The following INPP4B variants were observed in gnomAD, a reference collection of about 807,000 sequenced individuals.
The protein encoded by INPP4B is inositol polyphosphate-4-phosphatase type II B, also known as inositol polyphosphate 4-phosphatase type II.
A neutral mutation model predicts 122.5 loss-of-function variants in INPP4B; 55 were observed. That is an observed-to-expected ratio of 0.45 (90% CI 0.36 to 0.56). The LOEUF is 0.56. INPP4B is among the 20% of genes least tolerant of loss of function. INPP4B has a pLI of 0.00. For synonymous variants in INPP4B, 403 were observed against 388.7 expected, an observed-to-expected ratio of 1.04 and a Z score of -0.43; for missense variants, 1,000 against 1,097.7, an observed-to-expected ratio of 0.91 and a Z score of 1.26.
At chr4:142,767,234 A>G (rs999350675) in intron 1 of INPP4B, among the ~76,000 whole-genome samples, 10 of 152,114 alleles carry the variant, frequency 6.6e-5, no homozygotes, top group African/African-American at 2.4e-4. Context: ...GGAGGGGAAA[A>G]CACTTTGGAG....
intron 25 of INPP4B, among the ~76,000 whole-genome samples, chr4:142,056,277 A>AAATT (rs1397443854): frequency 5.3e-5 from 8 of 152,076 alleles, no homozygotes; most frequent in Non-Finnish European, 1.2e-4. Flanking sequence ...AAAACAAAAG[A>AAATT]AATTAGTATT....
chr4:142,303,186 G>A (rs1762125386), intron 9 of INPP4B, among the ~76,000 whole-genome samples: 2 of 152,000 alleles, frequency 1.3e-5, no homozygotes, highest in Admixed American at 6.6e-5. Context: ...CATATGACAC[G>A]GAAGCTACAT....
intron 2 of INPP4B, among the ~76,000 whole-genome samples, chr4:142,667,276 T>G (rs1484918899): frequency 6.6e-6 from 1 of 152,202 alleles, no homozygotes; most frequent in Non-Finnish European, 1.5e-5. Context: ...TTCTGCTCTG[T>G]GCTGCAGTTT....
intron 7 of INPP4B, among the ~76,000 whole-genome samples, chr4:142,382,872 G>A (rs1443235936): frequency 2.6e-5 from 4 of 151,228 alleles, no homozygotes; most frequent in South Asian, 2.1e-4. Context: ...TACAGAGTCC[G>A]AGAAAATATT....
chr4:142,736,424 G>T (rs974666891), intron 1 of INPP4B, among the ~76,000 whole-genome samples: 1 of 151,968 alleles, frequency 6.6e-6, no homozygotes, highest in Non-Finnish European at 1.5e-5. Context: ...TAATTTTCAT[G>T]AGTTAATTAT....
chr4:142,607,232 C>A (rs1427034824), intron 2 of INPP4B, among the ~76,000 whole-genome samples: 1 of 151,812 alleles, frequency 6.6e-6, no homozygotes, highest in Non-Finnish European at 1.5e-5. Flanking sequence ...ATTAATCATT[C>A]CCTTTTTGTT....
In INPP4B at chr4:142,168,958, A is replaced by T. The variant is rs1327548329; in HGVS notation, c.1359+4674T>A. 1.1e-4 allele frequency among the ~76,000 whole-genome samples: 16 copies of T among 151,596 alleles called. 1 individual carries two copies. Among genetic ancestry groups the T allele is most frequent in the Non-Finnish European group, 2.4e-4 (16 of 67,722 alleles). On this transcript the variant is annotated intron_variant, in intron 16 of 25. Transcript: ENST00000262992. ...GGAAGAAATCTAGATAGTTATAAGG[A>T]TCACATAATTTGTTACCTATTTTCC... is the stretch of plus-strand genomic sequence containing the variant.
At chr4:142,222,883 G>C (rs1054261152) in intron 12 of INPP4B, among the ~76,000 whole-genome samples, 2 of 152,154 alleles carry the variant, frequency 1.3e-5, no homozygotes, top group African/African-American at 4.8e-5. Context: ...CCAACTTTCA[G>C]CTGAAATGCA....
intron 2 of INPP4B, among the ~76,000 whole-genome samples, chr4:142,629,697 A>T (rs1747494233): frequency 6.6e-6 from 1 of 152,102 alleles, no homozygotes; most frequent in South Asian, 2.1e-4. Context: ...CTGTGACAAG[A>T]ATTAAGGTGT....
chr4:142,408,577 G>A (rs1010181876), intron 5 of INPP4B, among the ~76,000 whole-genome samples: 4 of 152,068 alleles, frequency 2.6e-5, no homozygotes, highest in Non-Finnish European at 5.9e-5. Flanking sequence ...AGTTATATCT[G>A]TCTTCCAGCT....
chr4:142,490,304 G>T (rs988548922), intron 2 of INPP4B, among the ~76,000 whole-genome samples: 1 of 151,954 alleles, frequency 6.6e-6, no homozygotes, highest in Non-Finnish European at 1.5e-5. Context: ...GCTGGGGCTG[G>T]TCTCAAACTC....
Position 142,023,190 on chromosome 4 carries a change from A to T in INPP4B, c.*5592T>A, listed in dbSNP as rs1227993071. 8 of 152,194 alleles carry T rather than the reference A, an allele frequency of 5.3e-5. No homozygotes were observed. The highest frequency in any genetic ancestry group is 1.0e-4 in the Non-Finnish European group (7 of 68,028). The allele number at this position is 152,194 out of a possible 1,614,324, so 9.4% of individuals were successfully genotyped here. ...AATAAAAATCATTTATTTAAACAAA[A>T]ATATACACACAGTGTACAATGAATA... On this transcript the variant is annotated 3_prime_UTR_variant, in exon 26 of 26. Coordinates refer to ENST00000262992, the MANE Select transcript of INPP4B (RefSeq NM_001101669.3).
intron 25 of INPP4B, among the ~76,000 whole-genome samples, chr4:142,055,005 A>G (rs912458090): frequency 6.6e-6 from 1 of 152,012 alleles, no homozygotes; most frequent in African/African-American, 2.4e-5. Flanking sequence ...AGGTATATAC[A>G]TGTGTATATG....
At chr4:142,493,274 A>G (rs1166683508) in intron 2 of INPP4B, among the ~76,000 whole-genome samples, 1 of 152,182 alleles carries the variant, frequency 6.6e-6, no homozygotes, top group Non-Finnish European at 1.5e-5. Flanking sequence ...CCCCTGTGGA[A>G]GGGAAATGTG....
intron 17 of INPP4B, among the ~76,000 whole-genome samples, chr4:142,147,133 C>G (rs1221272304): frequency 6.6e-6 from 1 of 152,122 alleles, no homozygotes; most frequent in Non-Finnish European, 1.5e-5. Flanking sequence ...CACCACAGAA[C>G]AACCTTTCAG....
At chr4:142,236,081 G>C (rs1482893194) in intron 12 of INPP4B, among the ~76,000 whole-genome samples, 1 of 152,202 alleles carries the variant, frequency 6.6e-6, no homozygotes, top group Non-Finnish European at 1.5e-5. Context: ...CTCCTCTTCT[G>C]TGTTTCTCAG....
At chr4:142,234,864 T>C (rs1856010428) in intron 12 of INPP4B, among the ~76,000 whole-genome samples, 1 of 152,192 alleles carries the variant, frequency 6.6e-6, no homozygotes, top group Admixed American at 6.5e-5. Context: ...TGTTAGCAAA[T>C]GTTTTGCTGT....
intron 2 of INPP4B, among the ~76,000 whole-genome samples, chr4:142,499,288 A>G (rs959087296): frequency 4.6e-5 from 7 of 152,160 alleles, no homozygotes; most frequent in Non-Finnish European, 1.5e-5. Flanking sequence ...TACAGCACTC[A>G]GAGAAAAAAA....
At chr4:142,165,835 T>A (rs1337337831) in intron 16 of INPP4B, among the ~76,000 whole-genome samples, 2 of 151,758 alleles carry the variant, frequency 1.3e-5, no homozygotes, top group Non-Finnish European at 2.9e-5. Context: ...ATTGTGTACA[T>A]AACAGTGATG....
Sources: allele counts gnomAD v4.1 joint callset (sites outside exome capture counted in the v4.1 genomes callset), GRCh38; gene constraint gnomAD v4.1.1; transcripts MANE v1.5; gene names NCBI Gene and HGNC (gene_info 2026-07-23, HGNC 2026-07-21).